ZNF407: variants seen among roughly 807,000 people sequenced by gnomAD.
ZNF407 encodes the protein zinc finger protein 407.
In ZNF407, 17 loss-of-function variants were observed where a neutral mutation model predicts 131.2. The observed-to-expected ratio is 0.13, with a 90% CI of 0.09 to 0.19. The LOEUF (loss-of-function observed/expected upper bound fraction) is 0.19. Ranked by LOEUF, ZNF407 falls within the 10% of genes least tolerant of loss-of-function variation. ZNF407 has a pLI of 1.00. For synonymous variants in ZNF407, 1,156 were observed against 1,062.0 expected (o/e 1.09, Z -1.72); for missense variants, 2,681 against 2,830.6 (o/e 0.95, Z 1.20).
chr18:74,796,974 G>T (rs151122274), intron 4 of ZNF407, among the ~76,000 whole-genome samples: 49 of 152,296 alleles, frequency 3.2e-4, no homozygotes, highest in Admixed American at 9.2e-4. Context: ...CCTGCTAGGT[G>T]ATTGATAACT....
At chr18:74,846,972 C>A (rs138078922) in intron 4 of ZNF407, among the ~76,000 whole-genome samples, 1 of 149,272 alleles carries the variant, frequency 6.7e-6, no homozygotes, top group Non-Finnish European at 1.5e-5. Flanking sequence ...CCGGCCTGGG[C>A]GACAGAGCAA....
intron 3 of ZNF407, among the ~76,000 whole-genome samples, chr18:74,666,147 T>A (rs1000496914): frequency 6.6e-6 from 1 of 151,980 alleles, no homozygotes; most frequent in Non-Finnish European, 1.5e-5. Flanking sequence ...CGCAGAAGCA[T>A]AGGTTGGAGG....
At chr18:74,676,892 T>C (rs1244276843) in intron 3 of ZNF407, among the ~76,000 whole-genome samples, 1 of 152,168 alleles carries the variant, frequency 6.6e-6, no homozygotes, top group Admixed American at 6.5e-5. Context: ...GACAAAACAG[T>C]TACCTTCATG....
At chr18:75,035,773 A>G (rs1359449800) in intron 8 of ZNF407, among the ~76,000 whole-genome samples, 1 of 152,244 alleles carries the variant, frequency 6.6e-6, no homozygotes, top group Admixed American at 6.5e-5. Context: ...CGCCTCTGGA[A>G]TACATTGCAA....
chr18:74,620,939 G>A (rs1193888449), intron 1 of ZNF407, among the ~76,000 whole-genome samples: 4 of 152,172 alleles, frequency 2.6e-5, no homozygotes, highest in African/African-American at 9.7e-5. Flanking sequence ...AAGCTGGCAA[G>A]GAACACATGA....
At chr18:74,752,191 A>G (rs1488516817) in intron 3 of ZNF407, among the ~76,000 whole-genome samples, 1 of 151,966 alleles carries the variant, frequency 6.6e-6, no homozygotes, top group Non-Finnish European at 1.5e-5. Flanking sequence ...GTTTCTCTTC[A>G]TATCCTTTGC....
chr18:74,676,639 T>C (rs372308414), intron 3 of ZNF407, among the ~76,000 whole-genome samples: 350 of 152,022 alleles, frequency 2.3e-3, no homozygotes, highest in African/African-American at 7.8e-3. Flanking sequence ...TTTCACCGTG[T>C]TAGCCAGGAT....
intron 3 of ZNF407, among the ~76,000 whole-genome samples, chr18:74,747,821 A>G (rs1040052408): frequency 6.6e-6 from 1 of 152,294 alleles, no homozygotes; most frequent in East Asian, 1.9e-4. Context: ...GAGTGAAACC[A>G]TGCAATGTAT....
intron 3 of ZNF407, among the ~76,000 whole-genome samples, chr18:74,705,055 A>G (rs2144831492): frequency 6.6e-6 from 1 of 151,048 alleles, no homozygotes; most frequent in African/African-American, 2.5e-5. Flanking sequence ...TCTGAAATAT[A>G]TTCTGCTCAA....
intron 4 of ZNF407, among the ~76,000 whole-genome samples, chr18:74,840,910 C>T (rs1398668831): frequency 6.6e-6 from 1 of 152,214 alleles, no homozygotes; most frequent in Non-Finnish European, 1.5e-5. Flanking sequence ...GGGATCTCTT[C>T]TCAGTTTGGT....
chr18:74,698,614 G>T (rs941381543), intron 3 of ZNF407, among the ~76,000 whole-genome samples: 1 of 152,138 alleles, frequency 6.6e-6, no homozygotes, highest in Non-Finnish European at 1.5e-5. Flanking sequence ...GGTGTGTCAG[G>T]TGTTGAGCTC....
At chr18:74,812,160 T>C (rs1260398501) in intron 4 of ZNF407, among the ~76,000 whole-genome samples, 1 of 152,234 alleles carries the variant, frequency 6.6e-6, no homozygotes, top group Non-Finnish European at 1.5e-5. Flanking sequence ...CTCTGAGAGC[T>C]GTTTCAGAAA....
In ZNF407 at chr18:75,048,829, T is replaced by A. The variant is rs1054664047; in HGVS notation, c.5429-14321T>A. ...TTATGATTCCTAAAAACTGAAAAAATTAAATTGGAGGGTGGGAAGGGGCAG... is the reference window on the plus strand; with the variant it reads ...TTATGATTCCTAAAAACTGAAAAAAATAAATTGGAGGGTGGGAAGGGGCAG... On this transcript the variant is annotated intron_variant, in intron 8 of 8. Coordinates refer to ENST00000299687, the MANE Select transcript of ZNF407 (RefSeq NM_017757.3). This position sits in a 1 kb window ranked among gnomAD's most constrained non-coding sequence, Gnocchi z 4.1. 6.6e-6 allele frequency among the ~76,000 whole-genome samples: 1 copy of A among 151,934 alleles called. No homozygotes were observed. Among genetic ancestry groups the A allele is most frequent in the African/African-American group, 2.4e-5 (1 of 41,360 alleles).
At position 74,786,791 on chromosome 18, in the gene ZNF407, A is replaced by AGGTT. The variant is rs1969722911; in HGVS notation, c.4877+5289_4877+5290insGGTT. Among the ~76,000 whole-genome samples, 39 of 77,722 alleles carry AGGTT rather than the reference A, an allele frequency of 5.0e-4. 12 individuals are homozygous for AGGTT. The highest frequency in any genetic ancestry group is 1.1e-3 in the African/African-American group (25 of 22,732). The allele number at this position is 77,722 out of a possible 152,430, so 51.0% of individuals were successfully genotyped here. A position where few individuals can be genotyped will look rare whatever the true frequency, so the allele number is the denominator to read the frequency against. ...TTAATTGGTTTTAATGTAAAAAAGT[A>AGGTT]TGTTTTTTTTTTTTTTTTTTTTTTT... On this transcript the variant is annotated intron_variant, in intron 4 of 8. Transcript: ENST00000299687.
At chr18:74,753,964 A>T (rs1056242832) in intron 3 of ZNF407, among the ~76,000 whole-genome samples, 29 of 152,132 alleles carry the variant, frequency 1.9e-4, no homozygotes, top group African/African-American at 6.8e-4. Context: ...TTGGCTGTGA[A>T]TCCGTCTGGT....
At position 74,980,628 on chromosome 18, in the gene ZNF407, C is replaced by T. The variant is rs374475565; in HGVS notation, c.5428+59936C>T. 3.9e-3 allele frequency among the ~76,000 whole-genome samples: 601 copies of T among 152,242 alleles called. 11 individuals carry two copies. Among genetic ancestry groups the T allele is most frequent in the African/African-American group, 0.014 (569 of 41,532 alleles). On this transcript the variant is annotated intron_variant, in intron 8 of 8. Transcript: ENST00000299687. Reference sequence around the variant, plus strand: ...AGCCAATTGTTGAATTTCTAATTCTCTACTAAGAATTCTTTACTAAGAATT... The same window carrying T: ...AGCCAATTGTTGAATTTCTAATTCTTTACTAAGAATTCTTTACTAAGAATT...
intron 4 of ZNF407, among the ~76,000 whole-genome samples, chr18:74,846,837 TA>T (rs1252037949): frequency 6.6e-6 from 1 of 151,430 alleles, no homozygotes; most frequent in Admixed American, 6.6e-5. Context: ...ACTAAAAAAG[TA>T]GAAAAATTAG....
chr18:74,741,231 T>C (rs1237654710), intron 3 of ZNF407, among the ~76,000 whole-genome samples: 1 of 152,168 alleles, frequency 6.6e-6, no homozygotes, highest in African/African-American at 2.4e-5. Flanking sequence ...GCATTTTGTA[T>C]ATATACATAT....
Position 75,010,086 on chromosome 18 carries a change from G to A in ZNF407, c.5429-53064G>A, listed in dbSNP as rs138168436. ...TGCACATTTTGTTGTTTTGCTTAAG[G>A]CCTTCATGCCAGCCATTGTCCTGAA... On this transcript the variant is annotated intron_variant, in intron 8 of 8. Coordinates refer to ENST00000299687, the MANE Select transcript of ZNF407 (RefSeq NM_017757.3). Among the ~76,000 whole-genome samples the A allele has an allele frequency of 7.9e-5, 12 of 152,224 alleles. No individual in the cohort carries two copies. The East Asian group carries it at 2.1e-3, about 27-fold the overall frequency.
Sources: gnomAD v4.1 joint callset for allele counts (sites outside exome capture counted in the v4.1 genomes callset) on GRCh38, gnomAD v4.1.1 for gene constraint, Gnocchi (gnomAD v3.1) non-coding constraint, MANE v1.5 for transcripts, NCBI Gene and HGNC (gene_info 2026-07-23, HGNC 2026-07-21) for gene names.